The following GRB14 variants were observed in gnomAD, a reference collection of about 807,000 sequenced individuals.
GRB14 encodes growth factor receptor-bound protein 14.
Under a neutral mutation model 69.1 loss-of-function variants are expected in GRB14, and 38 were observed. The ratio of observed to expected loss-of-function variants is 0.55; its 90% CI spans 0.42 to 0.72. The LOEUF (loss-of-function observed/expected upper bound fraction) is 0.72, where lower values mean the gene tolerates loss of function less well. Among genes scored for constraint, GRB14 ranks in the 30% least tolerant of loss-of-function variants. The probability of loss-of-function intolerance (pLI) is 0.00; values close to 1 mark genes in which losing one functional copy is unlikely to be tolerated. For missense variants in GRB14, 666 were observed against 666.1 expected, an observed-to-expected ratio of 1.00 and a Z score of 0.00; for synonymous variants, 247 against 241.3, an observed-to-expected ratio of 1.02 and a Z score of -0.22.
intron 3 of GRB14, 74 bp from the exon 4 acceptor site, chr2:164,527,209 A>G (rs1687801926): frequency 3.7e-6 from 1 of 271,816 alleles, no homozygotes; most frequent in African/African-American, 2.4e-5. Flanking sequence ...ATATATATAT[A>G]TATATATATA....
At chr2:164,516,971 C>T (rs1179530213) in intron 6 of GRB14, among the ~76,000 whole-genome samples, 1 of 152,082 alleles carries the variant, frequency 6.6e-6, no homozygotes, top group East Asian at 1.9e-4. Flanking sequence ...TTGCATGAGC[C>T]GAGATGGTGC....
intron 2 of GRB14, among the ~76,000 whole-genome samples, chr2:164,616,046 C>T (rs959243745): frequency 1.3e-5 from 2 of 152,036 alleles, no homozygotes; most frequent in African/African-American, 2.4e-5. Context: ...GGAAGGTATA[C>T]TTTAAATTTG....
chr2:164,519,594 G>A (rs1016529916), intron 6 of GRB14, among the ~76,000 whole-genome samples: 8 of 152,066 alleles, frequency 5.3e-5, no homozygotes, highest in East Asian at 1.9e-4. Context: ...TGATATGATC[G>A]TATACCTAGA....
At chr2:164,561,612 G>T (rs2105322656) in intron 2 of GRB14, among the ~76,000 whole-genome samples, 1 of 152,148 alleles carries the variant, frequency 6.6e-6, no homozygotes, top group East Asian at 1.9e-4. Context: ...CATGTGCCCA[G>T]GCAATTCTGA....
intron 8 of GRB14, 28 bp from the exon 9 acceptor site, chr2:164,502,363 C>T (rs1335480683): frequency 3.4e-6 from 4 of 1,184,688 alleles, no homozygotes; most frequent in Non-Finnish European, 5.0e-6. Context: ...AAAACACATT[C>T]CCACCACTTT....
At position 164,508,128 on chromosome 2, in the gene GRB14, C is replaced by T. The variant is rs190593158; in HGVS notation, c.1023+327G>A. On this transcript the variant is annotated intron_variant, in intron 8 of 13. Coordinates refer to ENST00000263915, the MANE Select transcript of GRB14 (RefSeq NM_004490.3). ...ACACTTTACCTTGGATTGTTGGCAACGTTTTAAGAGTGCAGACTTAGTCAT... is the reference window on the plus strand; with the variant it reads ...ACACTTTACCTTGGATTGTTGGCAATGTTTTAAGAGTGCAGACTTAGTCAT... Among the ~76,000 whole-genome samples the T allele has an allele frequency of 2.5e-3, 373 of 152,240 alleles. 2 individuals carry two copies. Among genetic ancestry groups the T allele is most frequent in the African/African-American group, 8.4e-3 (351 of 41,556 alleles).
At chr2:164,502,433 A>G in intron 8 of GRB14, 98 bp from the exon 9 acceptor site, 1 of 743,154 alleles carries the variant, frequency 1.3e-6, no homozygotes. Context: ...ATAAATATAA[A>G]AACAATTAAA....
Position 164,508,836 on chromosome 2 carries a change from T to C in GRB14, c.833A>G (p.Gln278Arg), listed in dbSNP as rs1254877141. Residue 278 changes from glutamine to arginine, a missense_variant, in exon 7 of 14, where the codon CAG becomes CGG. Gln to Arg is a conservative substitution (Grantham distance 43, BLOSUM62 1). Coordinates refer to ENST00000263915, the MANE Select transcript of GRB14 (RefSeq NM_004490.3). ...KGTSKEPRHL[Q>R]FFSEFGNSDI... The stretch of plus-strand genomic sequence containing the variant: ...ACTATTGCCAAATTCGCTGAAAAAC[T>C]GCAAATGCCGCGGTTCCTTAAAAAA... The C allele has an allele frequency of 6.3e-7, 1 of 1,577,754 alleles. No individual in the cohort carries two copies. Among genetic ancestry groups the C allele is most frequent in the South Asian group, 1.2e-5 (1 of 83,458 alleles).
intron 2 of GRB14, among the ~76,000 whole-genome samples, chr2:164,588,505 G>C (rs191757744): frequency 6.6e-6 from 1 of 152,148 alleles, no homozygotes; most frequent in African/African-American, 2.4e-5. Flanking sequence ...CGTAGGTGGA[G>C]AGAGAAAAGT....
chr2:164,612,217 C>A (rs768235512), intron 2 of GRB14, among the ~76,000 whole-genome samples: 2 of 152,114 alleles, frequency 1.3e-5, no homozygotes, highest in Non-Finnish European at 2.9e-5. Context: ...AAGGCTTTGG[C>A]CTGACCACCT....
chr2:164,496,156 G>A (rs1686888222), intron 12 of GRB14, among the ~76,000 whole-genome samples: 1 of 152,122 alleles, frequency 6.6e-6, no homozygotes, highest in Non-Finnish European at 1.5e-5. Context: ...CCAAATTTCA[G>A]TATTAAATCA....
chr2:164,550,734 A>G (rs896797384), intron 2 of GRB14, among the ~76,000 whole-genome samples: 2 of 152,204 alleles, frequency 1.3e-5, no homozygotes, highest in Non-Finnish European at 2.9e-5. Context: ...AATAAAAAAA[A>G]AAATGCAAAC....
At chr2:164,524,641 C>T (rs1461316775) in intron 5 of GRB14, among the ~76,000 whole-genome samples, 1 of 152,018 alleles carries the variant, frequency 6.6e-6, no homozygotes, top group African/African-American at 2.4e-5. Context: ...AAAGCTGATA[C>T]TGAGTATCTA....
chr2:164,560,594 G>A (rs541540171), intron 2 of GRB14, among the ~76,000 whole-genome samples: 1 of 151,920 alleles, frequency 6.6e-6, no homozygotes, highest in South Asian at 2.1e-4. Flanking sequence ...AGGATTGGGG[G>A]GGCATATGTA....
intron 2 of GRB14, among the ~76,000 whole-genome samples, chr2:164,605,322 G>A (rs186675690): frequency 6.6e-5 from 10 of 152,224 alleles, no homozygotes; most frequent in Non-Finnish European, 4.4e-5. Flanking sequence ...CTATTTCCAG[G>A]GAAGGAAAAC....
At chr2:164,561,219 G>C (rs2105322331) in intron 2 of GRB14, among the ~76,000 whole-genome samples, 1 of 152,266 alleles carries the variant, frequency 6.6e-6, no homozygotes, top group South Asian at 2.1e-4. Flanking sequence ...GGGGATCCTG[G>C]AATCTGCTGT....
At chr2:164,552,450 T>C (rs1281413294) in intron 2 of GRB14, among the ~76,000 whole-genome samples, 1 of 152,184 alleles carries the variant, frequency 6.6e-6, no homozygotes, top group Non-Finnish European at 1.5e-5. Flanking sequence ...ATTTTCTGCC[T>C]TTGAGTATAT....
intron 3 of GRB14, among the ~76,000 whole-genome samples, chr2:164,543,026 C>G (rs1259751514): frequency 6.6e-6 from 1 of 152,110 alleles, no homozygotes; most frequent in Non-Finnish European, 1.5e-5. Flanking sequence ...GGCATGGTGG[C>G]TCACACCTGT....
intron 2 of GRB14, among the ~76,000 whole-genome samples, chr2:164,574,495 CA>C (rs1009015003): frequency 6.6e-6 from 1 of 152,056 alleles, no homozygotes; most frequent in African/African-American, 2.4e-5. Context: ...CTTGGCCTCC[CA>C]AAGTGCTGGG....
Sources: gnomAD v4.1 joint callset for allele counts (sites outside exome capture counted in the v4.1 genomes callset) on GRCh38, gnomAD v4.1.1 for gene constraint, MANE v1.5 for transcripts, NCBI Gene and HGNC (gene_info 2026-07-23, HGNC 2026-07-21) for gene names.